The following MRTFA variants were observed in gnomAD, a reference collection of about 807,000 sequenced individuals.
MRTFA encodes myocardin-related transcription factor A.
A neutral mutation model predicts 83.5 loss-of-function variants in MRTFA; 20 were observed. The observed-to-expected ratio is 0.24, with a 90% CI of 0.17 to 0.35. The LOEUF is 0.35. Among genes scored for constraint, MRTFA ranks in the 10% least tolerant of loss-of-function variants. The pLI is 1.00. For missense variants in MRTFA, 1,200 were observed against 1,224.7 expected (o/e 0.98, Z 0.30); for synonymous variants, 659 against 541.2 (o/e 1.22, Z -3.02).
At chr22:40,417,946 A>C (rs1299894327) in intron 12 of MRTFA, among the ~76,000 whole-genome samples, 1 of 152,136 alleles carries the variant, frequency 6.6e-6, no homozygotes, top group Non-Finnish European at 1.5e-5. Context: ...CGCTGCTGAC[A>C]CCTTGGTGGG....
At chr22:40,624,142 G>T (rs898826304) in intron 1 of MRTFA, among the ~76,000 whole-genome samples, 6 of 152,050 alleles carry the variant, frequency 3.9e-5, no homozygotes, top group Non-Finnish European at 8.8e-5. Context: ...TAAAAAGATT[G>T]TCCAGGCACA....
At chr22:40,435,184 C>A (rs1033004967) in intron 5 of MRTFA, among the ~76,000 whole-genome samples, 1 of 152,164 alleles carries the variant, frequency 6.6e-6, no homozygotes, top group African/African-American at 2.4e-5. Flanking sequence ...TGGGGAAATA[C>A]CAGTGGTCTC....
chr22:40,530,648 T>C (rs1034080834), intron 3 of MRTFA, among the ~76,000 whole-genome samples: 2 of 152,272 alleles, frequency 1.3e-5, no homozygotes, highest in Non-Finnish European at 2.9e-5. Flanking sequence ...GATTCAGATA[T>C]GTTTCCATAG....
intron 3 of MRTFA, among the ~76,000 whole-genome samples, chr22:40,509,865 G>T (rs2054637930): frequency 6.7e-6 from 1 of 149,632 alleles, no homozygotes; most frequent in Non-Finnish European, 1.5e-5. Context: ...GCAAGGCCAT[G>T]AGGTTAAACA....
At chr22:40,464,738 G>A (rs1230153622) in intron 3 of MRTFA, among the ~76,000 whole-genome samples, 4 of 152,146 alleles carry the variant, frequency 2.6e-5, no homozygotes, top group Non-Finnish European at 5.9e-5. Flanking sequence ...ATAACCATGC[G>A]CCTGCCTACA....
chr22:40,484,126 C>T (rs2054137114), intron 3 of MRTFA, among the ~76,000 whole-genome samples: 1 of 151,022 alleles, frequency 6.6e-6, no homozygotes, highest in Non-Finnish European at 1.5e-5. Context: ...CAATCTGAAG[C>T]TTATTCAAAT....
intron 13 of MRTFA, 106 bp downstream of exon 13, chr22:40,417,235 C>T: frequency 2.0e-6 from 3 of 1,490,718 alleles, no homozygotes; most frequent in South Asian, 1.2e-5. Context: ...GACCCTGAAG[C>T]TGGGCTTCGC....
chr22:40,417,204 C>A, intron 13 of MRTFA, 137 bp downstream of exon 13: 1 of 1,387,752 alleles, frequency 7.2e-7, no homozygotes, highest in Non-Finnish European at 9.8e-7. Context: ...CCCCTAACAA[C>A]CCACTCCCCA....
chr22:40,533,526 T>C, intron 3 of MRTFA: 1 of 1,019,456 alleles, frequency 9.8e-7, no homozygotes, highest in Non-Finnish European at 1.3e-6. Context: ...TAAAGAAGCC[T>C]GTGGCAAATA....
intron 2 of MRTFA, among the ~76,000 whole-genome samples, chr22:40,573,640 T>A (rs1167575334): frequency 2.0e-5 from 3 of 151,918 alleles, no homozygotes; most frequent in African/African-American, 7.3e-5. Context: ...CAGAATCCCA[T>A]ACCTGTAATT....
At chr22:40,457,478 GAAA>G (rs1569275937) in intron 4 of MRTFA, among the ~76,000 whole-genome samples, 5 of 139,522 alleles carry the variant, frequency 3.6e-5, no homozygotes, top group Non-Finnish European at 6.4e-5. Context: ...AAGAAAGAAA[GAAA>G]GAAAGAAGGA....
At chr22:40,458,793 G>A (rs1342109188) in intron 4 of MRTFA, among the ~76,000 whole-genome samples, 1 of 152,068 alleles carries the variant, frequency 6.6e-6, no homozygotes, top group African/African-American at 2.4e-5. Flanking sequence ...AACACCTCAG[G>A]CTGGCCGGGC....
intron 1 of MRTFA, among the ~76,000 whole-genome samples, chr22:40,635,334 T>C (rs2056683577): frequency 1.2e-5 from 1 of 82,362 alleles, no homozygotes; most frequent in Non-Finnish European, 2.3e-5. Flanking sequence ...TCTAACTTCT[T>C]ACTGACAATA....
At chr22:40,583,918 G>A (rs888254488) in intron 2 of MRTFA, among the ~76,000 whole-genome samples, 2 of 152,200 alleles carry the variant, frequency 1.3e-5, no homozygotes, top group Admixed American at 1.3e-4. Flanking sequence ...CACAGAAAGT[G>A]CACAGGACGA....
intron 7 of MRTFA, among the ~76,000 whole-genome samples, chr22:40,427,209 G>C (rs945246571): frequency 1.9e-4 from 29 of 152,164 alleles, no homozygotes; most frequent in African/African-American, 6.5e-4. Flanking sequence ...TATAACTAGG[G>C]GCTGCTGAGG....
chr22:40,465,128 A>C (rs1189526399), intron 3 of MRTFA, among the ~76,000 whole-genome samples: 3 of 152,230 alleles, frequency 2.0e-5, no homozygotes, highest in African/African-American at 7.2e-5. Flanking sequence ...CACAGCATTC[A>C]GTTACTCTAG....
intron 1 of MRTFA, among the ~76,000 whole-genome samples, chr22:40,609,555 G>A (rs1296705936): frequency 6.6e-6 from 1 of 151,754 alleles, no homozygotes; most frequent in African/African-American, 2.4e-5. Flanking sequence ...TTTAGGCTGG[G>A]CACGGTGGTT....
At chr22:40,587,077 G>A (rs1222510961) in intron 2 of MRTFA, 13 of 455,098 alleles carry the variant, frequency 2.9e-5, no homozygotes, top group African/African-American at 8.1e-5. Context: ...TTTGTCCCCA[G>A]GACTCTACGA....
chr22:40,488,291 CATTA>C (rs1213719115), intron 3 of MRTFA, among the ~76,000 whole-genome samples: 3 of 152,124 alleles, frequency 2.0e-5, no homozygotes, highest in Middle Eastern at 3.2e-3. Flanking sequence ...TTAGCTGGAG[CATTA>C]CGTTTGTGAA....
Sources: gnomAD v4.1 joint callset for allele counts (sites outside exome capture counted in the v4.1 genomes callset) on GRCh38, gnomAD v4.1.1 for gene constraint, MANE v1.5 for transcripts, NCBI Gene and HGNC (gene_info 2026-07-23, HGNC 2026-07-21) for gene names.